The following NDUFA8 variants were observed in gnomAD, a reference collection of about 807,000 sequenced individuals.
NDUFA8 encodes NADH:ubiquinone oxidoreductase subunit A8, also known as NADH dehydrogenase [ubiquinone] 1 alpha subcomplex subunit 8.
In NDUFA8, 16 loss-of-function variants were observed where a neutral mutation model predicts 20.9. That is an observed-to-expected ratio of 0.77 (90% CI 0.52 to 1.16). The LOEUF is 1.16. Ranked by LOEUF, NDUFA8 falls within the 50% of genes most tolerant of loss-of-function variation. The probability of loss-of-function intolerance (pLI) is 0.00; values close to 1 mark genes in which losing one functional copy is unlikely to be tolerated. For missense variants in NDUFA8, 202 were observed against 216.4 expected, an observed-to-expected ratio of 0.93 and a Z score of 0.42; for synonymous variants, 70 against 76.1, an observed-to-expected ratio of 0.92 and a Z score of 0.41.
chr9:122,132,955 AG>A, the NDUFA8 span: 1 of 456,050 alleles, frequency 2.2e-6, no homozygotes, highest in South Asian at 1.5e-5. Context: ...ATCTCTCTCC[AG>A]TCCTTGGGAA....
chr9:122,151,347 G>C (rs1828994343), intron 2 of NDUFA8, among the ~76,000 whole-genome samples: 1 of 152,146 alleles, frequency 6.6e-6, no homozygotes, highest in African/African-American at 2.4e-5. Flanking sequence ...TGAGCAATCA[G>C]AGCTTTTTAT....
At chr9:122,144,729 C>G (rs1373310349) in intron 3 of NDUFA8, among the ~76,000 whole-genome samples, 1 of 152,148 alleles carries the variant, frequency 6.6e-6, no homozygotes, top group Non-Finnish European at 1.5e-5. Flanking sequence ...TCTATAGGAG[C>G]AAGGACTGTG....
chr9:122,135,389 G>C, the NDUFA8 span, among the ~76,000 whole-genome samples: 3 of 152,210 alleles, frequency 2.0e-5, no homozygotes, highest in Non-Finnish European at 4.4e-5. Context: ...AGACTCAACT[G>C]TCTCATGAGT....
rs963174325 is a variant in NDUFA8 at position 122,159,761 on chromosome 9, C to G, written c.-84G>C. On this transcript the variant is annotated 5_prime_UTR_variant, in exon 1 of 4. Transcript: ENST00000373768. Reference sequence around the variant, plus strand: ...GAACTCCCCTTTCGACCGCCGAGTGCCACACGGCGCCTGCGCATGCGCATC... The same window carrying G: ...GAACTCCCCTTTCGACCGCCGAGTGGCACACGGCGCCTGCGCATGCGCATC... The G allele has an allele frequency of 5.1e-6, 8 of 1,579,390 alleles. No homozygotes were observed. In the African/African-American group the frequency reaches 1.1e-4, roughly 21 times the overall value.
intron 3 of NDUFA8, among the ~76,000 whole-genome samples, chr9:122,146,794 G>A (rs1828910474): frequency 6.6e-6 from 1 of 152,234 alleles, no homozygotes; most frequent in South Asian, 2.1e-4. Context: ...TACTTGGGAG[G>A]CTGAGGTGGG....
downstream of NDUFA8, among the ~76,000 whole-genome samples, chr9:122,143,230 T>TA (rs145686928): frequency 9.2e-3 from 1,400 of 152,226 alleles, 20 homozygotes; most frequent in African/African-American, 0.032. Context: ...CTTTGCTTTT[T>TA]AGAGTGCCGC....
the NDUFA8 span, among the ~76,000 whole-genome samples, chr9:122,135,398 G>A: frequency 6.6e-6 from 1 of 152,252 alleles, no homozygotes; most frequent in African/African-American, 2.4e-5. Context: ...TGTCTCATGA[G>A]TCACCAGACA....
intron 2 of NDUFA8, among the ~76,000 whole-genome samples, chr9:122,148,544 CA>C (rs1564408751): frequency 6.6e-6 from 1 of 152,028 alleles, no homozygotes; most frequent in East Asian, 1.9e-4. Flanking sequence ...CTATTTTACT[CA>C]GAGAGGAACT....
At chr9:122,159,488 G>A in intron 1 of NDUFA8, 139 bp downstream of exon 1, 1 of 1,008,264 alleles carries the variant, frequency 9.9e-7, no homozygotes, top group Non-Finnish European at 1.6e-6. Flanking sequence ...GGGACCTCCG[G>A]GGGTCGACCT....
At chr9:122,153,200 G>C (rs1272466773) in intron 1 of NDUFA8, among the ~76,000 whole-genome samples, 1 of 151,452 alleles carries the variant, frequency 6.6e-6, no homozygotes, top group Non-Finnish European at 1.5e-5. Context: ...CCAGGAGGCA[G>C]AGGTTGCAGT....
At chr9:122,146,315 G>T (rs747117347) in intron 3 of NDUFA8, among the ~76,000 whole-genome samples, 1 of 152,080 alleles carries the variant, frequency 6.6e-6, no homozygotes, top group Non-Finnish European at 1.5e-5. Flanking sequence ...TTATCTCACA[G>T]AGTTTTAAAA....
At chr9:122,135,104 G>C in the NDUFA8 span, among the ~76,000 whole-genome samples, 3 of 152,330 alleles carry the variant, frequency 2.0e-5, no homozygotes, top group East Asian at 5.8e-4. Flanking sequence ...CATTCAGACA[G>C]CCTGTGGCTG....
intron 2 of NDUFA8, among the ~76,000 whole-genome samples, chr9:122,150,940 C>A (rs1828985330): frequency 7.2e-6 from 1 of 139,230 alleles, no homozygotes. Flanking sequence ...CCATTGCACT[C>A]CAGCCTGGGC....
At position 122,144,146 on chromosome 9, in the gene NDUFA8, C is replaced by T. The variant is rs374765229; in HGVS notation, c.*95G>A. 2.3e-5 allele frequency: 37 copies of T among 1,601,068 alleles called. No homozygotes were observed. Among genetic ancestry groups the T allele is most frequent in the East Asian group, 1.6e-4 (7 of 44,596 alleles). On this transcript the variant is annotated 3_prime_UTR_variant, in exon 4 of 4. Coordinates refer to ENST00000373768, the MANE Select transcript of NDUFA8 (RefSeq NM_014222.3). Reference sequence around the variant, plus strand: ...ACTTTTTTGTTAATGTTTGTGATCCCGGAAAGAACACACTATCAGTCGATG... The same window carrying T: ...ACTTTTTTGTTAATGTTTGTGATCCTGGAAAGAACACACTATCAGTCGATG...
intron 1 of NDUFA8, among the ~76,000 whole-genome samples, chr9:122,154,012 C>G (rs1374859216): frequency 6.6e-6 from 1 of 152,178 alleles, no homozygotes; most frequent in Non-Finnish European, 1.5e-5. Context: ...TCTGTAAGCA[C>G]AGTTTCTGTG....
At position 122,159,698 on chromosome 9, in the gene NDUFA8, C is replaced by G. The variant is rs781254665; in HGVS notation, c.-21G>C. 7 of 1,614,104 alleles carry G rather than the reference C, an allele frequency of 4.3e-6. No individual in the cohort carries two copies. Among genetic ancestry groups the G allele is most frequent in the Non-Finnish European group, 5.9e-6 (7 of 1,179,986 alleles). ...GGCATGACGGCTGCAGCCCCGACCC[C>G]GACGAGAAGCCCTCAGCCGCGTCGC... On this transcript the variant is annotated 5_prime_UTR_variant, in exon 1 of 4. Coordinates refer to ENST00000373768, the MANE Select transcript of NDUFA8 (RefSeq NM_014222.3).
At chr9:122,138,874 G>GGGT in the NDUFA8 span, among the ~76,000 whole-genome samples, 2 of 138,742 alleles carry the variant, frequency 1.4e-5, no homozygotes, top group African/African-American at 5.2e-5. Flanking sequence ...GTGGGGGGGG[G>GGGT]GCCATCTGAG....
chr9:122,142,936 T>G (rs1227369295), downstream of NDUFA8, among the ~76,000 whole-genome samples: 3 of 152,002 alleles, frequency 2.0e-5, no homozygotes, highest in African/African-American at 7.3e-5. Flanking sequence ...CAAAAAAAAG[T>G]CTTATTTTTC....
Position 122,152,255 on chromosome 9 carries a change from C to A in NDUFA8, c.205G>T (p.Asp69Tyr). Residue 69 changes from aspartate (D) to tyrosine (Y), a missense_variant, in exon 2 of 4, where the codon GAC becomes TAC. By Grantham distance (160) the Asp-to-Tyr change is radical. Coordinates refer to ENST00000373768, the MANE Select transcript of NDUFA8 (RefSeq NM_014222.3). Reference protein sequence around the residue: ...EGKLVNKCALDFFRQIKRHCA... With the variant: ...EGKLVNKCALYFFRQIKRHCA... ...ACCAAAGATTTTTACCTAAAGAAGTCCAAAGCACACTTGTTGACCAGTTTG... is the reference window on the plus strand; with the variant it reads ...ACCAAAGATTTTTACCTAAAGAAGTACAAAGCACACTTGTTGACCAGTTTG... 1 of 1,614,154 alleles carries A rather than the reference C, an allele frequency of 6.2e-7. No individual in the cohort carries two copies. Among genetic ancestry groups the A allele is most frequent in the Non-Finnish European group, 8.5e-7 (1 of 1,180,030 alleles).
Sources: allele counts gnomAD v4.1 joint callset (sites outside exome capture counted in the v4.1 genomes callset), GRCh38; gene constraint gnomAD v4.1.1; transcripts MANE v1.5; gene names NCBI Gene and HGNC (gene_info 2026-07-23, HGNC 2026-07-21).